Variants in RCSD1 observed in about 807,000 individuals in gnomAD.
The protein encoded by RCSD1 is capZ-interacting protein.
Under a neutral mutation model 42.5 loss-of-function variants are expected in RCSD1, and 26 were observed. The observed-to-expected ratio is 0.61, with a 90% CI of 0.45 to 0.85. RCSD1 has a LOEUF of 0.85. RCSD1 is among the 40% of genes least tolerant of loss of function. The pLI is 0.00. For missense variants in RCSD1, 571 were observed against 528.3 expected, an observed-to-expected ratio of 1.08 and a Z score of -0.79; for synonymous variants, 220 against 212.2, an observed-to-expected ratio of 1.04 and a Z score of -0.32.
At chr1:167,638,350 A>C (rs1447672807) in intron 1 of RCSD1, 2 of 152,214 alleles carry the variant, frequency 1.3e-5, no homozygotes, top group Non-Finnish European at 2.9e-5. Flanking sequence ...GCACAGATTT[A>C]TTTCTTTTAA....
intron 1 of RCSD1, among the ~76,000 whole-genome samples, chr1:167,676,281 T>G (rs1274092089): frequency 6.6e-6 from 1 of 152,232 alleles, no homozygotes; most frequent in Non-Finnish European, 1.5e-5. Context: ...TAAAGCATAG[T>G]GCACCCTCCA....
In RCSD1 at chr1:167,697,199, C is replaced by A; in HGVS notation, c.575C>A (p.Ser192Ter). The A allele has an allele frequency of 6.2e-7, 1 of 1,614,184 alleles. No homozygotes were observed. Among genetic ancestry groups the A allele is most frequent in the Non-Finnish European group, 8.5e-7 (1 of 1,180,038 alleles). ...GELGDFRAVE[S>*]SQQNGAKEED... ...CTTGGAGATTTCAGGGCGGTGGAGT[C>A]ATCTCAGCAGAACGGTGCTAAGGAA... The change falls in exon 6 of 7, where the codon TCA becomes TAA. Residue 192 changes from serine to a stop codon, truncating the protein, a stop_gained. Coordinates refer to ENST00000367854, the MANE Select transcript of RCSD1 (RefSeq NM_052862.4). LOFTEE classifies it high-confidence loss of function.
intron 1 of RCSD1, 64 bp from the exon 2 acceptor site, chr1:167,683,836 G>T (rs1659146782): frequency 1.4e-6 from 2 of 1,451,490 alleles, no homozygotes; most frequent in African/African-American, 2.8e-5. Flanking sequence ...CCACAAAACA[G>T]GTGCCTTGCA....
rs1659789476 is a variant in RCSD1, at chr1:167,707,668, CTTCTT to C, written c.*2975_*2979del. Among the ~76,000 whole-genome samples the C allele has an allele frequency of 7.4e-6, 1 of 135,190 alleles. No homozygotes were observed. Among genetic ancestry groups the C allele is most frequent in the African/African-American group, 2.9e-5 (1 of 34,382 alleles). The allele number at this position is 135,190 out of a possible 152,430, so 88.7% of individuals were successfully genotyped here. A position where few individuals can be genotyped will look rare whatever the true frequency, so the allele number is the denominator to read the frequency against. ...CTGTCTCTTTTTTCTCTTCTTTTCTCTTCTTTTTTTTTGAATGAGACAGAGTCTCG... is the reference window on the plus strand; with the variant it reads ...CTGTCTCTTTTTTCTCTTCTTTTCTCTTTTTTTGAATGAGACAGAGTCTCG... On this transcript the variant is annotated 3_prime_UTR_variant, in exon 7 of 7. Coordinates refer to ENST00000367854, the MANE Select transcript of RCSD1 (RefSeq NM_052862.4).
At chr1:167,701,320 T>C (rs7549805) in intron 6 of RCSD1, among the ~76,000 whole-genome samples, 7,127 of 97,190 alleles carry the variant, frequency 0.073, 182 homozygotes, top group Middle Eastern at 0.19. Flanking sequence ...TTCTTTCTTT[T>C]TTTTAGATGG....
At position 167,707,607 on chromosome 1, in the gene RCSD1, T is replaced by G. The variant is rs557020433; in HGVS notation, c.*2911T>G. On this transcript the variant is annotated 3_prime_UTR_variant, in exon 7 of 7. Transcript: ENST00000367854. ...CTTTTTTTTTTCTTTTTTAAAAACTTATTTAATTAGTTTTCCTTAATAGTT... is the reference window on the plus strand; with the variant it reads ...CTTTTTTTTTTCTTTTTTAAAAACTGATTTAATTAGTTTTCCTTAATAGTT... Among the ~76,000 whole-genome samples the G allele has an allele frequency of 1.1e-4, 16 of 152,270 alleles. No homozygotes were observed. Among genetic ancestry groups the G allele is most frequent in the Non-Finnish European group, 2.2e-4 (15 of 68,026 alleles).
intron 1 of RCSD1, 87 bp from the exon 2 acceptor site, chr1:167,683,813 T>A: frequency 8.1e-7 from 1 of 1,237,892 alleles, no homozygotes; most frequent in Non-Finnish European, 1.2e-6. Flanking sequence ...TGTCACAGCA[T>A]TCCTGCTTGC....
At chr1:167,656,495 T>C (rs993188013) in intron 1 of RCSD1, among the ~76,000 whole-genome samples, 2 of 152,222 alleles carry the variant, frequency 1.3e-5, no homozygotes, top group African/African-American at 4.8e-5. Flanking sequence ...GAGCAAATTT[T>C]TAAAATCAAT....
chr1:167,689,480 CAAAAAAA>C (rs757551808), intron 3 of RCSD1, among the ~76,000 whole-genome samples: 1 of 82,938 alleles, frequency 1.2e-5, no homozygotes, highest in East Asian at 3.9e-4. Context: ...GACTCTGTCT[CAAAAAAA>C]AAAAAAAAAA....
intron 1 of RCSD1, among the ~76,000 whole-genome samples, chr1:167,675,491 C>T (rs1310323060): frequency 6.6e-6 from 1 of 152,092 alleles, no homozygotes; most frequent in East Asian, 1.9e-4. Flanking sequence ...CCTGGTCCCT[C>T]CTATTAAACA....
intron 1 of RCSD1, among the ~76,000 whole-genome samples, chr1:167,675,266 G>C (rs1450345624): frequency 6.9e-6 from 1 of 145,860 alleles, no homozygotes; most frequent in Non-Finnish European, 1.5e-5. Flanking sequence ...ATAAAGGAAT[G>C]AGGTTTAATG....
rs1222580028 is a variant in RCSD1 at position 167,704,878 on chromosome 1, G to A, written c.*182G>A. Reference sequence around the variant, plus strand: ...CCTCCACACCAAACGTTCCCTTGCAGATGGAGACTGAATCTGAGGGCAGCA... The same window carrying A: ...CCTCCACACCAAACGTTCCCTTGCAAATGGAGACTGAATCTGAGGGCAGCA... On this transcript the variant is annotated 3_prime_UTR_variant, in exon 7 of 7. Transcript: ENST00000367854. 1 of 573,322 alleles carries A rather than the reference G, an allele frequency of 1.7e-6. No individual in the cohort carries two copies. Among genetic ancestry groups the A allele is most frequent in the African/African-American group, 1.9e-5 (1 of 53,390 alleles). 35.5% of individuals were successfully genotyped at this position (573,322 alleles called of 1,614,324 possible).
intron 1 of RCSD1, among the ~76,000 whole-genome samples, chr1:167,673,229 C>T (rs889374234): frequency 2.0e-5 from 3 of 152,196 alleles, no homozygotes; most frequent in Non-Finnish European, 4.4e-5. Context: ...GACAATGATT[C>T]CTTTTTAACA....
At chr1:167,633,762 T>A (rs1464588561) in intron 1 of RCSD1, 1 of 152,210 alleles carries the variant, frequency 6.6e-6, no homozygotes, top group Non-Finnish European at 1.5e-5. Flanking sequence ...GTAGCCGGGA[T>A]GATACAGCAA....
chr1:167,672,961 G>C (rs1008261151), intron 1 of RCSD1, among the ~76,000 whole-genome samples: 1 of 152,054 alleles, frequency 6.6e-6, no homozygotes, highest in African/African-American at 2.4e-5. Context: ...CAACTATCCC[G>C]TGATAGTTGG....
At chr1:167,642,425 C>T (rs1003546101) in intron 1 of RCSD1, among the ~76,000 whole-genome samples, 1 of 152,188 alleles carries the variant, frequency 6.6e-6, no homozygotes, top group Non-Finnish European at 1.5e-5. Context: ...TTCATAAGCA[C>T]AAATAATGTT....
intron 1 of RCSD1, among the ~76,000 whole-genome samples, chr1:167,635,915 CAGA>C (rs1413654649): frequency 6.6e-6 from 1 of 152,212 alleles, no homozygotes; most frequent in Non-Finnish European, 1.5e-5. Context: ...AGAAGTAAGA[CAGA>C]AGGATGGTTC....
chr1:167,657,024 T>C (rs1304073480), intron 1 of RCSD1, among the ~76,000 whole-genome samples: 3 of 152,208 alleles, frequency 2.0e-5, no homozygotes, highest in South Asian at 2.1e-4. Flanking sequence ...GTGACCCTGG[T>C]TGGGAAAGCC....
intron 1 of RCSD1, chr1:167,641,433 T>A (rs1658002723): frequency 6.6e-6 from 1 of 152,110 alleles, no homozygotes; most frequent in Admixed American, 6.6e-5. Flanking sequence ...ATAAGACCAA[T>A]CCTGGCTGGG....
Sources: gnomAD v4.1 joint callset for allele counts (sites outside exome capture counted in the v4.1 genomes callset) on GRCh38, gnomAD v4.1.1 for gene constraint, MANE v1.5 for transcripts, NCBI Gene and HGNC (gene_info 2026-07-23, HGNC 2026-07-21) for gene names.